The following B3GALT9 variants were observed in gnomAD, a reference collection of about 807,000 sequenced individuals.
B3GALT9 encodes the protein UDP-GlcNAc:betaGal beta-1,3-N-acetylglucosaminyltransferase 10 (putative).
chr9:120,799,019 T>G lies in B3GALT9; in HGVS notation c.451T>G (p.Phe151Val), dbSNP rs1381547730. Reference sequence around the variant, plus strand: ...GAATAATGATATAATTGAAGGAATCTTCTTGGACAGTTCTGAGAACCAAAC... The same window carrying G: ...GAATAATGATATAATTGAAGGAATCGTCTTGGACAGTTCTGAGAACCAAAC... ...CKNNDIIEGI[F>V]LDSSENQTLK... The change falls in exon 3 of 3, where the codon TTC becomes GTC. Residue 151 changes from phenylalanine to valine, a missense_variant. By Grantham distance (50) the Phe-to-Val change is conservative (BLOSUM62 -1). Transcript: ENST00000689072. 7.5e-6 allele frequency: 3 copies of G among 398,940 alleles called. No homozygotes were observed. Among genetic ancestry groups the G allele is most frequent in the Non-Finnish European group, 1.3e-5 (3 of 226,070 alleles). The allele number at this position is 398,940 out of a possible 1,614,324, so 24.7% of individuals were successfully genotyped here.
chr9:120,801,006 A>G lies in B3GALT9; in HGVS notation c.*1328A>G, dbSNP rs377096792. ...TGCCTGGTTTATTTCATGTAACATA[A>G]TGCACTCCAGGTTCATCCATGTTGT... On this transcript the variant is annotated 3_prime_UTR_variant, in exon 3 of 3. Transcript: ENST00000689072. 4.7e-4 allele frequency among the ~76,000 whole-genome samples: 71 copies of G among 152,334 alleles called. 1 individual carries two copies. The highest frequency in any genetic ancestry group is 1.5e-3 in the African/African-American group (64 of 41,574).
chr9:120,794,506 T>TTGTGTGTGTGTGTG (rs10589412), intron 1 of B3GALT9, among the ~76,000 whole-genome samples: 1 of 142,062 alleles, frequency 7.0e-6, no homozygotes, highest in Non-Finnish European at 1.5e-5. Flanking sequence ...GCCCAGCTAG[T>TTGTGTGTGTGTGTG]TGTGTGTGTG....
At chr9:120,798,145 C>T (rs956166170) in intron 2 of B3GALT9, among the ~76,000 whole-genome samples, 1 of 152,206 alleles carries the variant, frequency 6.6e-6, no homozygotes, top group Admixed American at 6.5e-5. Flanking sequence ...AGAAATGGAT[C>T]CAGGTGTTCC....
Position 120,799,382 on chromosome 9 carries a change from G to A in B3GALT9, c.814G>A (p.Val272Met), listed in dbSNP as rs2044957465. ...KEVPMMVPAD[V>M]FVGICAKFIG... ...AGTACCCATGATGGTGCCAGCTGAT[G>A]TGTTTGTAGGAATTTGTGCTAAGTT... The change falls in exon 3 of 3, where the codon GTG (valine) becomes ATG (methionine). Residue 272 changes from valine to methionine, a missense_variant. Coordinates refer to ENST00000689072, the MANE Select transcript of B3GALT9 (RefSeq NM_001386823.1). 2.5e-6 allele frequency: 1 copy of A among 399,264 alleles called. No individual in the cohort carries two copies. The highest frequency in any genetic ancestry group is 4.4e-6 in the Non-Finnish European group (1 of 226,126). The allele number at this position is 399,264 out of a possible 1,614,324, so 24.7% of individuals were successfully genotyped here.
chr9:120,795,294 C>G (rs1160964157), intron 1 of B3GALT9, among the ~76,000 whole-genome samples: 1 of 152,154 alleles, frequency 6.6e-6, no homozygotes, highest in Non-Finnish European at 1.5e-5. Context: ...AGCAAACATT[C>G]TCAACCCCAG....
At chr9:120,797,277 A>G (rs1013066361) in intron 2 of B3GALT9, among the ~76,000 whole-genome samples, 1 of 152,088 alleles carries the variant, frequency 6.6e-6, no homozygotes, top group African/African-American at 2.4e-5. Flanking sequence ...AGGCCGAGGC[A>G]GGTGGATCAC....
chr9:120,793,485 C>CGGAGGTG lies in B3GALT9; in HGVS notation c.-616_-610dup, dbSNP rs1330906152. The CGGAGGTG allele has an allele frequency of 2.5e-6, 1 of 398,828 alleles. No homozygotes were observed. Among genetic ancestry groups the CGGAGGTG allele is most frequent in the Non-Finnish European group, 4.4e-6 (1 of 226,632 alleles). The allele number at this position is 398,828 out of a possible 1,614,324, so 24.7% of individuals were successfully genotyped here. ...AGCGGCTGCACTTCCGGTCCCCGCC[C>CGGAGGTG]GGAGGTGGGTGGTGGGAGGCTGGAG... On this transcript the variant is annotated 5_prime_UTR_variant, in exon 1 of 3. Transcript: ENST00000689072.
At position 120,793,600 on chromosome 9, in the gene B3GALT9, A is replaced by C. The variant is rs577518641; in HGVS notation, c.-504A>C. 4 of 399,264 alleles carry C rather than the reference A, an allele frequency of 1.0e-5. No homozygotes were observed. The East Asian group carries it at 1.4e-4, about 14-fold the overall frequency. The allele number at this position is 399,264 out of a possible 1,614,324, so 24.7% of individuals were successfully genotyped here. A position where few individuals can be genotyped will look rare whatever the true frequency, so the allele number is the denominator to read the frequency against. ...GGTGCTTAGGCTGGGTGCAACCTAGAACGGAGGTTCCTTTCGTACCGTACA... is the reference window on the plus strand; with the variant it reads ...GGTGCTTAGGCTGGGTGCAACCTAGCACGGAGGTTCCTTTCGTACCGTACA... On this transcript the variant is annotated 5_prime_UTR_variant, in exon 1 of 3. Transcript: ENST00000689072.
In B3GALT9 at chr9:120,793,794, A is replaced by T; in HGVS notation, c.-310A>T. The T allele has an allele frequency of 2.5e-6, 1 of 396,012 alleles. No homozygotes were observed. Among genetic ancestry groups the T allele is most frequent in the Non-Finnish European group, 4.4e-6 (1 of 224,794 alleles). 24.5% of individuals were successfully genotyped at this position (396,012 alleles called of 1,614,324 possible). A position where few individuals can be genotyped will look rare whatever the true frequency, so the allele number is the denominator to read the frequency against. On this transcript the variant is annotated 5_prime_UTR_variant, in exon 1 of 3. Transcript: ENST00000689072. ...ACCTGTTGGGCACCTCTTTATCCCG[A>T]ACGCTGTTCTAGGGGATAGGGTTAG...
In B3GALT9 at chr9:120,800,980, A is replaced by G. The variant is rs184614380; in HGVS notation, c.*1302A>G. The stretch of plus-strand genomic sequence containing the variant: ...AGCTCATGTGCTTATTTGTCCTTCA[A>G]TGCCTGGTTTATTTCATGTAACATA... On this transcript the variant is annotated 3_prime_UTR_variant, in exon 3 of 3. Transcript: ENST00000689072. 3.3e-5 allele frequency among the ~76,000 whole-genome samples: 5 copies of G among 152,308 alleles called. No homozygotes were observed. The highest frequency in any genetic ancestry group is 2.1e-4 in the South Asian group (1 of 4,830).
rs2044960250 is a variant in B3GALT9, at chr9:120,799,913, A to G, written c.*235A>G. 1 of 339,864 alleles carries G rather than the reference A, an allele frequency of 2.9e-6. No individual in the cohort carries two copies. The highest frequency in any genetic ancestry group is 5.2e-6 in the Non-Finnish European group (1 of 190,718). The allele number at this position is 339,864 out of a possible 1,614,324, so 21.1% of individuals were successfully genotyped here. On this transcript the variant is annotated 3_prime_UTR_variant, in exon 3 of 3. Coordinates refer to ENST00000689072, the MANE Select transcript of B3GALT9 (RefSeq NM_001386823.1). ...TTCAAAATGAAATATTTCTCTCAAA[A>G]GAGAGAACATTATGTTTCATTGTTT...
intron 1 of B3GALT9, among the ~76,000 whole-genome samples, chr9:120,794,132 C>G (rs2044914510): frequency 6.6e-6 from 1 of 152,156 alleles, no homozygotes; most frequent in African/African-American, 2.4e-5. Context: ...TAAAACTGAG[C>G]TAAAAAATCC....
At chr9:120,797,294 T>C (rs2131405001) in intron 2 of B3GALT9, among the ~76,000 whole-genome samples, 1 of 152,042 alleles carries the variant, frequency 6.6e-6, no homozygotes, top group East Asian at 1.9e-4. Context: ...TCACCTGAGA[T>C]CAGGAGTTTG....
In B3GALT9 at chr9:120,793,582, A is replaced by G; in HGVS notation, c.-522A>G. 1 of 400,010 alleles carries G rather than the reference A, an allele frequency of 2.5e-6. No individual in the cohort carries two copies. 24.8% of individuals were successfully genotyped at this position (400,010 alleles called of 1,614,324 possible). On this transcript the variant is annotated 5_prime_UTR_variant, in exon 1 of 3. Transcript: ENST00000689072. ...GTGCCGCGCGGCCCTCACGGTGCTTAGGCTGGGTGCAACCTAGAACGGAGG... is the reference window on the plus strand; with the variant it reads ...GTGCCGCGCGGCCCTCACGGTGCTTGGGCTGGGTGCAACCTAGAACGGAGG...
At chr9:120,794,826 T>C (rs1270145121) in intron 1 of B3GALT9, among the ~76,000 whole-genome samples, 1 of 152,210 alleles carries the variant, frequency 6.6e-6, no homozygotes, top group Non-Finnish European at 1.5e-5. Flanking sequence ...GTCACTAGTC[T>C]CTTGTGGCTA....
Position 120,799,432 on chromosome 9 carries a change from C to T in B3GALT9, c.864C>T (p.Ser288=), listed in dbSNP as rs1202959445. ...TCATTGGCCTTATACCCATCCACAG[C>T]TCAAGGTTTTCTGGGAAAAGGCACA... ...AKFIGLIPIH[S]SRFSGKRHIR... is the part of the protein sequence containing the mutation. The change falls in exon 3 of 3, where the codon AGC becomes AGT. Residue 288 remains serine, a synonymous_variant. Coordinates refer to ENST00000689072, the MANE Select transcript of B3GALT9 (RefSeq NM_001386823.1). 2.5e-6 allele frequency: 1 copy of T among 399,114 alleles called. No homozygotes were observed. Among genetic ancestry groups the T allele is most frequent in the Non-Finnish European group, 4.4e-6 (1 of 226,114 alleles). The allele number at this position is 399,114 out of a possible 1,614,324, so 24.7% of individuals were successfully genotyped here. A position where few individuals can be genotyped will look rare whatever the true frequency, so the allele number is the denominator to read the frequency against.
chr9:120,794,902 A>G (rs2044926490), intron 1 of B3GALT9, among the ~76,000 whole-genome samples: 1 of 152,212 alleles, frequency 6.6e-6, no homozygotes, highest in Non-Finnish European at 1.5e-5. Context: ...TTTTAATTTA[A>G]TAGCCACATG....
intron 1 of B3GALT9, among the ~76,000 whole-genome samples, chr9:120,794,505 GTTGTGT>G (rs1252430359): frequency 2.0e-5 from 2 of 99,372 alleles, no homozygotes; most frequent in Non-Finnish European, 4.1e-5. Flanking sequence ...TGCCCAGCTA[GTTGTGT>G]GTGTGTGTGT....
At position 120,793,507 on chromosome 9, in the gene B3GALT9, G is replaced by A; in HGVS notation, c.-597G>A. ...GCCCGGAGGTGGGTGGTGGGAGGCT[G>A]GAGGCCGGGAGTAGGGGTGGGGAGA... On this transcript the variant is annotated 5_prime_UTR_variant, in exon 1 of 3. Transcript: ENST00000689072. 7.5e-6 allele frequency: 3 copies of A among 400,128 alleles called. No individual in the cohort carries two copies. Among genetic ancestry groups the A allele is most frequent in the Non-Finnish European group, 1.3e-5 (3 of 227,220 alleles). 24.8% of individuals were successfully genotyped at this position (400,128 alleles called of 1,614,324 possible). A position where few individuals can be genotyped will look rare whatever the true frequency, so the allele number is the denominator to read the frequency against.
Sources: gnomAD v4.1 joint callset for allele counts (sites outside exome capture counted in the v4.1 genomes callset) on GRCh38, gnomAD v4.1.1 for gene constraint, MANE v1.5 for transcripts, NCBI Gene and HGNC (gene_info 2026-07-23, HGNC 2026-07-21) for gene names.